The following TRDN variants were observed in gnomAD, a reference collection of about 807,000 sequenced individuals.
The protein encoded by TRDN is triadin in skeletal muscle.
TRDN carries 161 observed loss-of-function variants against 149.7 expected under a neutral mutation model. The ratio of observed to expected loss-of-function variants is 1.08; its 90% CI spans 0.95 to 1.23. The LOEUF is 1.23. TRDN is among the 50% of genes most tolerant of loss of function. The probability of loss-of-function intolerance (pLI) is 0.00; values close to 1 mark genes in which losing one functional copy is unlikely to be tolerated. For missense variants in TRDN, 896 were observed against 823.5 expected, an observed-to-expected ratio of 1.09 and a Z score of -1.08; for synonymous variants, 294 against 250.5, an observed-to-expected ratio of 1.17 and a Z score of -1.64.
At chr6:123,477,340 C>G (rs1233127947) in intron 9 of TRDN, among the ~76,000 whole-genome samples, 1 of 144,332 alleles carries the variant, frequency 6.9e-6, no homozygotes, top group Non-Finnish European at 1.5e-5. Context: ...CAGAGAAATA[C>G]AAATCAAAAC....
chr6:123,315,933 A>G (rs1779005557), intron 24 of TRDN, among the ~76,000 whole-genome samples: 4 of 151,976 alleles, frequency 2.6e-5, no homozygotes, highest in Admixed American at 6.6e-5. Context: ...CAATAGGTCA[A>G]TGGATTACTT....
At chr6:123,555,260 C>T (rs531619997) in intron 2 of TRDN, among the ~76,000 whole-genome samples, 30 of 152,036 alleles carry the variant, frequency 2.0e-4, no homozygotes, top group African/African-American at 5.3e-4. Context: ...TTTGTCATCA[C>T]GGTGGAAGAG....
At position 123,444,130 on chromosome 6, in the gene TRDN, T is replaced by C. The variant is rs1053618515; in HGVS notation, c.932-5127A>G. ...TTGGGCAGTATGGCCATTTTCATGA[T>C]ATTGATTCTTCCTGCCCATGAGCAT... On this transcript the variant is annotated intron_variant, in intron 10 of 40. Transcript: ENST00000334268. Among the ~76,000 whole-genome samples, 104 of 144,410 alleles carry C rather than the reference T, an allele frequency of 7.2e-4. 2 individuals are homozygous for C. The highest frequency in any genetic ancestry group is 1.2e-3 in the Non-Finnish European group (82 of 67,188). The allele number at this position is 144,410 out of a possible 152,430, so 94.7% of individuals were successfully genotyped here.
At chr6:123,466,125 G>A (rs189594695) in intron 9 of TRDN, among the ~76,000 whole-genome samples, 45 of 152,230 alleles carry the variant, frequency 3.0e-4, no homozygotes, top group African/African-American at 5.5e-4. Context: ...CTTACAGGCC[G>A]TATGTCTAGA....
chr6:123,223,909 A>C (rs2114504856), intron 39 of TRDN, among the ~76,000 whole-genome samples, 184 bp downstream of exon 39: 1 of 151,786 alleles, frequency 6.6e-6, no homozygotes, highest in East Asian at 1.9e-4. Context: ...ATATGTGAAA[A>C]GATGTATATT....
chr6:123,336,877 A>G (rs980525719), intron 22 of TRDN, among the ~76,000 whole-genome samples: 2 of 151,610 alleles, frequency 1.3e-5, no homozygotes, highest in Non-Finnish European at 2.9e-5. Context: ...ATATATACGT[A>G]CTACAGAATA....
chr6:123,275,145 C>T (rs1777328346), intron 26 of TRDN, among the ~76,000 whole-genome samples: 1 of 151,974 alleles, frequency 6.6e-6, no homozygotes, highest in African/African-American at 2.4e-5. Flanking sequence ...TGTTATGGCT[C>T]AAATGTGTTC....
At chr6:123,475,445 C>A (rs1344431956) in intron 9 of TRDN, among the ~76,000 whole-genome samples, 3 of 106,112 alleles carry the variant, frequency 2.8e-5, no homozygotes, top group African/African-American at 7.8e-5. Context: ...GAGTCCAGGA[C>A]CAGATGGATT....
intron 9 of TRDN, among the ~76,000 whole-genome samples, chr6:123,475,959 A>C (rs1040159360): frequency 1.4e-5 from 2 of 141,792 alleles, no homozygotes; most frequent in African/African-American, 5.2e-5. Flanking sequence ...ATCATACTGA[A>C]TGGGCAAAAA....
intron 12 of TRDN, among the ~76,000 whole-genome samples, chr6:123,405,609 G>A (rs754618625): frequency 6.6e-6 from 1 of 152,172 alleles, no homozygotes; most frequent in East Asian, 1.9e-4. Flanking sequence ...TGACGAGGCC[G>A]GAAATGGCTA....
intron 12 of TRDN, among the ~76,000 whole-genome samples, chr6:123,424,080 T>C (rs1488234258): frequency 6.6e-6 from 1 of 152,106 alleles, no homozygotes; most frequent in Non-Finnish European, 1.5e-5. Flanking sequence ...AAATTATAAC[T>C]GTCCATTGTC....
intron 21 of TRDN, among the ~76,000 whole-genome samples, chr6:123,346,068 T>C (rs9320929): frequency 0.19 from 28,473 of 152,012 alleles, 3,584 homozygotes; most frequent in East Asian, 0.63. Flanking sequence ...ATGATGTTGA[T>C]GAAGGGGCGT....
intron 4 of TRDN, among the ~76,000 whole-genome samples, chr6:123,542,076 G>A (rs1395964915): frequency 6.6e-6 from 1 of 152,182 alleles, no homozygotes; most frequent in Non-Finnish European, 1.5e-5. Context: ...AAATTTACCA[G>A]GCAGCTCTTT....
intron 9 of TRDN, among the ~76,000 whole-genome samples, chr6:123,474,896 T>G (rs994694795): frequency 6.6e-6 from 1 of 151,918 alleles, no homozygotes; most frequent in Admixed American, 6.6e-5. Flanking sequence ...AGACACAACA[T>G]ACCAGAATCT....
At chr6:123,465,853 A>C (rs1249275184) in intron 9 of TRDN, among the ~76,000 whole-genome samples, 1 of 152,208 alleles carries the variant, frequency 6.6e-6, no homozygotes, top group Non-Finnish European at 1.5e-5. Flanking sequence ...CTCACTGACA[A>C]CTAGATATTA....
At chr6:123,476,809 A>G (rs1315228912) in intron 9 of TRDN, among the ~76,000 whole-genome samples, 1 of 151,526 alleles carries the variant, frequency 6.6e-6, no homozygotes, top group Non-Finnish European at 1.5e-5. Context: ...AGCAATGGGG[A>G]AAGGATTCCC....
intron 20 of TRDN, among the ~76,000 whole-genome samples, chr6:123,361,383 G>A (rs528659086): frequency 2.0e-5 from 3 of 152,162 alleles, no homozygotes; most frequent in East Asian, 1.9e-4. Flanking sequence ...TGGGTGGGGG[G>A]CAAAGGGAGG....
chr6:123,547,853 T>A (rs1387401466), intron 3 of TRDN, among the ~76,000 whole-genome samples: 1 of 152,028 alleles, frequency 6.6e-6, no homozygotes, highest in East Asian at 1.9e-4. Context: ...GCAGCTTTTA[T>A]GTGGTTTGAG....
intron 24 of TRDN, among the ~76,000 whole-genome samples, chr6:123,313,212 T>C (rs1189844410): frequency 6.6e-6 from 1 of 151,982 alleles, no homozygotes; most frequent in Non-Finnish European, 1.5e-5. Context: ...TTAGCTTCCT[T>C]GCATTGCATT....
Sources: gnomAD v4.1 joint callset for allele counts (sites outside exome capture counted in the v4.1 genomes callset) on GRCh38, gnomAD v4.1.1 for gene constraint, MANE v1.5 for transcripts, NCBI Gene and HGNC (gene_info 2026-07-23, HGNC 2026-07-21) for gene names.